SLC22A15: variants seen among roughly 807,000 people sequenced by gnomAD.
SLC22A15 encodes the protein flipt 1.
In SLC22A15, 45 loss-of-function variants were observed where a neutral mutation model predicts 62.7. The ratio of observed to expected loss-of-function variants is 0.72; its 90% CI spans 0.56 to 0.92. The LOEUF (loss-of-function observed/expected upper bound fraction) is 0.92, where lower values mean the gene tolerates loss of function less well. Among genes scored for constraint, SLC22A15 ranks in the 40% least tolerant of loss-of-function variants. SLC22A15 has a pLI of 0.00. For synonymous variants in SLC22A15, 264 were observed against 267.0 expected (o/e 0.99, Z 0.11); for missense variants, 622 against 665.6 (o/e 0.93, Z 0.72).
At position 116,031,399 on chromosome 1, in the gene SLC22A15, C is replaced by T; in HGVS notation, c.762C>T (p.Ser254=). 6.2e-7 allele frequency: 1 copy of T among 1,613,642 alleles called. No homozygotes were observed. The highest frequency in any genetic ancestry group is 8.5e-7 in the Non-Finnish European group (1 of 1,179,846). Residue 254 remains serine, a synonymous_variant, in exon 6 of 12, where the codon TCC becomes TCT. Coordinates refer to ENST00000369503, the MANE Select transcript of SLC22A15 (RefSeq NM_018420.3). ...CTGAATCACCTCGTTGGTTATACTC[C>T]CAGGGTCGACTGAGTGAGGCTGAAG... ...FIPESPRWLY[S]QGRLSEAEEA...
intron 2 of SLC22A15, among the ~76,000 whole-genome samples, chr1:116,004,436 C>G (rs910499271): frequency 2.6e-5 from 4 of 152,126 alleles, no homozygotes; most frequent in Admixed American, 6.5e-5. Context: ...TTGTCAAATA[C>G]TTTTTCTACA....
At chr1:115,996,078 A>G (rs914666467) in intron 2 of SLC22A15, among the ~76,000 whole-genome samples, 8 of 152,206 alleles carry the variant, frequency 5.3e-5, no homozygotes, top group Non-Finnish European at 1.2e-4. Context: ...AATCGCTAGT[A>G]ACCACTGATC....
intron 8 of SLC22A15, among the ~76,000 whole-genome samples, chr1:116,040,389 A>T (rs946043503): frequency 2.6e-5 from 4 of 152,194 alleles, no homozygotes. Flanking sequence ...TAACCTTAGA[A>T]CACTTGCTAC....
intron 8 of SLC22A15, 111 bp from the exon 9 acceptor site, chr1:116,062,649 CTT>C (rs1658410861): frequency 8.1e-7 from 1 of 1,228,136 alleles, no homozygotes; most frequent in African/African-American, 1.5e-5. Flanking sequence ...TACACTATCT[CTT>C]TGCTCTTTGA....
chr1:115,980,538 AAC>A (rs747636060), intron 1 of SLC22A15, among the ~76,000 whole-genome samples: 12 of 152,246 alleles, frequency 7.9e-5, no homozygotes, highest in Non-Finnish European at 1.5e-4. Context: ...GAATTTCTAA[AAC>A]ACAATGTTAA....
intron 4 of SLC22A15, among the ~76,000 whole-genome samples, chr1:116,025,267 A>G (rs189874687): frequency 7.9e-5 from 12 of 152,292 alleles, no homozygotes; most frequent in East Asian, 1.9e-4. Context: ...GCTCAGGACT[A>G]TTCTGAGCAA....
intron 8 of SLC22A15, among the ~76,000 whole-genome samples, chr1:116,045,353 A>G (rs765190886): frequency 1.3e-5 from 2 of 152,018 alleles, no homozygotes; most frequent in Non-Finnish European, 2.9e-5. Context: ...GGCCAATACT[A>G]AAATTTTTAT....
intron 5 of SLC22A15, among the ~76,000 whole-genome samples, chr1:116,028,053 G>A (rs943677029): frequency 6.6e-6 from 1 of 152,194 alleles, no homozygotes; most frequent in Non-Finnish European, 1.5e-5. Context: ...ATGCCATAAA[G>A]TGAAGGAGAC....
intron 5 of SLC22A15, among the ~76,000 whole-genome samples, chr1:116,028,915 A>G (rs1445578813): frequency 6.6e-6 from 1 of 152,136 alleles, no homozygotes; most frequent in African/African-American, 2.4e-5. Context: ...TCCTGATCAT[A>G]GCTTCAGCTA....
At chr1:116,040,933 G>A (rs766134798) in intron 8 of SLC22A15, among the ~76,000 whole-genome samples, 38 of 152,296 alleles carry the variant, frequency 2.5e-4, no homozygotes, top group Non-Finnish European at 4.1e-4. Context: ...CAAAGTATTC[G>A]TTGTAAATAA....
chr1:115,982,478 A>G (rs773874431), intron 1 of SLC22A15, among the ~76,000 whole-genome samples: 2 of 152,184 alleles, frequency 1.3e-5, no homozygotes, highest in African/African-American at 2.4e-5. Flanking sequence ...ATGCGTTGCT[A>G]TGCATGTAAA....
intron 8 of SLC22A15, among the ~76,000 whole-genome samples, chr1:116,056,427 C>T (rs544920901): frequency 4.7e-5 from 7 of 149,790 alleles, no homozygotes; most frequent in Non-Finnish European, 8.9e-5. Context: ...AATGGAAGAA[C>T]ATTCCATGCT....
intron 8 of SLC22A15, among the ~76,000 whole-genome samples, chr1:116,054,134 A>G (rs1263879531): frequency 6.6e-6 from 1 of 152,210 alleles, no homozygotes; most frequent in Non-Finnish European, 1.5e-5. Flanking sequence ...GTCAAGACCC[A>G]TCAGTGTGCT....
At chr1:116,047,213 G>T (rs1024440411) in intron 8 of SLC22A15, among the ~76,000 whole-genome samples, 2 of 152,140 alleles carry the variant, frequency 1.3e-5, no homozygotes, top group African/African-American at 2.4e-5. Flanking sequence ...CAGATCACAA[G>T]GTCAGGAGTT....
At chr1:116,014,873 A>C (rs894128665) in intron 2 of SLC22A15, among the ~76,000 whole-genome samples, 1 of 152,194 alleles carries the variant, frequency 6.6e-6, no homozygotes, top group Non-Finnish European at 1.5e-5. Context: ...GTATTGACCA[A>C]AGGGGGAAGA....
chr1:116,000,302 T>C (rs1407690176), intron 2 of SLC22A15, among the ~76,000 whole-genome samples: 1 of 152,208 alleles, frequency 6.6e-6, no homozygotes, highest in Non-Finnish European at 1.5e-5. Context: ...ACAAATGACA[T>C]CTTATAACCC....
At chr1:116,006,782 CCT>C (rs1313494394) in intron 2 of SLC22A15, among the ~76,000 whole-genome samples, 1 of 151,862 alleles carries the variant, frequency 6.6e-6, no homozygotes, top group Non-Finnish European at 1.5e-5. Context: ...TCTGTATTTA[CCT>C]CTCTGTTTCT....
chr1:116,027,844 C>T (rs181936920), intron 5 of SLC22A15, among the ~76,000 whole-genome samples: 206 of 152,286 alleles, frequency 1.4e-3, no homozygotes, highest in Middle Eastern at 3.4e-3. Flanking sequence ...AGGCTGGTCT[C>T]GAACTTCTGA....
chr1:116,020,565 A>C (rs547828282), intron 3 of SLC22A15, among the ~76,000 whole-genome samples, 156 bp from the exon 4 acceptor site: 14 of 151,884 alleles, frequency 9.2e-5, no homozygotes, highest in African/African-American at 2.2e-4. Context: ...CAAAAAAAAA[A>C]CAAAAAAACA....
Sources: allele counts gnomAD v4.1 joint callset (sites outside exome capture counted in the v4.1 genomes callset), GRCh38; gene constraint gnomAD v4.1.1; transcripts MANE v1.5; gene names NCBI Gene and HGNC (gene_info 2026-07-23, HGNC 2026-07-21).